CSMD2: variants seen among roughly 807,000 people sequenced by gnomAD.
CSMD2 encodes the protein CUB and Sushi multiple domains 2.
In CSMD2, 130 loss-of-function variants were observed where a neutral mutation model predicts 398.5. The ratio of observed to expected loss-of-function variants is 0.33; its 90% CI spans 0.28 to 0.38. The LOEUF (loss-of-function observed/expected upper bound fraction) is 0.38, where lower values mean the gene tolerates loss of function less well. Among genes scored for constraint, CSMD2 ranks in the 10% least tolerant of loss-of-function variants. CSMD2 has a pLI of 1.00. For synonymous variants in CSMD2, 1,828 were observed against 1,908.5 expected (o/e 0.96, Z 1.10); for missense variants, 3,829 against 4,764.9 (o/e 0.80, Z 5.78).
At chr1:34,125,917 G>A (rs909839308) in intron 1 of CSMD2, among the ~76,000 whole-genome samples, 5 of 152,190 alleles carry the variant, frequency 3.3e-5, no homozygotes, top group African/African-American at 1.2e-4. Flanking sequence ...CCAGGACCCA[G>A]TGGGGGTCTG....
intron 13 of CSMD2, among the ~76,000 whole-genome samples, chr1:33,752,177 CA>C (rs4044502): frequency 0.078 from 11,867 of 151,982 alleles, 523 homozygotes; most frequent in Admixed American, 0.11. Context: ...AAACAACAAA[CA>C]AAAAAATATA....
At chr1:33,754,219 G>A (rs899894442) in intron 13 of CSMD2, among the ~76,000 whole-genome samples, 2 of 152,156 alleles carry the variant, frequency 1.3e-5, no homozygotes, top group African/African-American at 4.8e-5. Flanking sequence ...GGAGGTATTT[G>A]GATAATGGGG....
intron 4 of CSMD2, 96 bp downstream of exon 4, chr1:33,935,664 T>G: frequency 2.3e-6 from 3 of 1,285,820 alleles, no homozygotes; most frequent in Non-Finnish European, 3.2e-6. Flanking sequence ...CCTGCTGGGG[T>G]GTAGCTTTGC....
At chr1:33,629,537 T>G (rs1031724928) in intron 32 of CSMD2, among the ~76,000 whole-genome samples, 7 of 152,178 alleles carry the variant, frequency 4.6e-5, no homozygotes, top group African/African-American at 1.7e-4. Flanking sequence ...GGGAAATACT[T>G]TCATGCAACA....
intron 55 of CSMD2, among the ~76,000 whole-genome samples, chr1:33,552,922 G>T (rs1657596954): frequency 6.6e-6 from 1 of 152,146 alleles, no homozygotes; most frequent in South Asian, 2.1e-4. Context: ...GCATTTTATG[G>T]TGTGTGAATT....
rs1314257543 is a variant in CSMD2, at chr1:33,614,636, G to A, written c.6017-16C>T. 2 of 1,450,504 alleles carry A rather than the reference G, an allele frequency of 1.4e-6. No homozygotes were observed. The highest frequency in any genetic ancestry group is 1.9e-6 in the Non-Finnish European group (2 of 1,032,144). 89.9% of individuals were successfully genotyped at this position (1,450,504 alleles called of 1,614,324 possible). ...CCACACTGTGCTGTGACAATGAGAT[G>A]AGACAGAGGGTCAGGACAACATCAA... On this transcript the variant is annotated splice_polypyrimidine_tract_variant and intron_variant, in intron 39 of 70. Coordinates refer to ENST00000373381, the MANE Select transcript of CSMD2 (RefSeq NM_001281956.2).
chr1:33,761,839 C>A (rs994865000), intron 13 of CSMD2, among the ~76,000 whole-genome samples: 1 of 152,174 alleles, frequency 6.6e-6, no homozygotes, highest in African/African-American at 2.4e-5. Context: ...ACACGATAAT[C>A]CAAGGGAGTT....
chr1:33,584,208 G>A (rs1638915249), intron 46 of CSMD2, among the ~76,000 whole-genome samples: 1 of 152,170 alleles, frequency 6.6e-6, no homozygotes, highest in South Asian at 2.1e-4. Flanking sequence ...ACTGTATAGG[G>A]CAGAGGTAAG....
At position 33,857,743 on chromosome 1, in the gene CSMD2, G is replaced by C. The variant is rs1464114848; in HGVS notation, c.921-10747C>G. Among the ~76,000 whole-genome samples, 6 of 152,254 alleles carry C rather than the reference G, an allele frequency of 3.9e-5. No individual in the cohort carries two copies. The East Asian group carries it at 7.7e-4, about 20-fold the overall frequency. ...GGGGCCAAGGAGGTAGCCTCCACTA[G>C]AACCCCATGACTAGTTTGGGGACAA... On this transcript the variant is annotated intron_variant, in intron 5 of 70. Coordinates refer to ENST00000373381, the MANE Select transcript of CSMD2 (RefSeq NM_001281956.2).
chr1:33,972,472 A>G (rs1407823901), intron 3 of CSMD2, among the ~76,000 whole-genome samples: 1 of 152,112 alleles, frequency 6.6e-6, no homozygotes, highest in Non-Finnish European at 1.5e-5. Flanking sequence ...TAAGTTAAGG[A>G]TGAGGTGGGG....
intron 21 of CSMD2, among the ~76,000 whole-genome samples, chr1:33,714,005 G>T (rs1291808193): frequency 6.6e-6 from 1 of 152,148 alleles, no homozygotes; most frequent in African/African-American, 2.4e-5. Flanking sequence ...GTTCACCTTT[G>T]TACCTTCAGA....
chr1:34,070,683 C>T (rs1655641664), intron 2 of CSMD2, among the ~76,000 whole-genome samples: 1 of 152,150 alleles, frequency 6.6e-6, no homozygotes, highest in African/African-American at 2.4e-5. Context: ...CTCTTTGTGT[C>T]TGCATTCCCC....
chr1:34,135,635 A>G (rs1268870011), intron 1 of CSMD2, among the ~76,000 whole-genome samples: 2 of 151,122 alleles, frequency 1.3e-5, no homozygotes, highest in Admixed American at 1.3e-4. Flanking sequence ...AAAAAAAAAA[A>G]AAAAAAAAGA....
intron 53 of CSMD2, among the ~76,000 whole-genome samples, chr1:33,563,814 G>A (rs61229710): frequency 0.11 from 17,190 of 152,194 alleles, 1,243 homozygotes; most frequent in East Asian, 0.24. Flanking sequence ...AAGGGCAAGG[G>A]AACTGACTGA....
At chr1:33,773,726 A>T (rs1158046157) in intron 12 of CSMD2, among the ~76,000 whole-genome samples, 1 of 152,210 alleles carries the variant, frequency 6.6e-6, no homozygotes, top group African/African-American at 2.4e-5. Flanking sequence ...GTCCTGCAGG[A>T]TAGACAGGAG....
At chr1:34,013,174 GTTTCC>G (rs1297863307) in intron 3 of CSMD2, among the ~76,000 whole-genome samples, 3 of 152,182 alleles carry the variant, frequency 2.0e-5, no homozygotes, top group Non-Finnish European at 4.4e-5. Context: ...AGACGTTGCA[GTTTCC>G]TTTCAAGTAT....
At chr1:33,653,527 T>C (rs1643868541) in intron 27 of CSMD2, among the ~76,000 whole-genome samples, 1 of 152,150 alleles carries the variant, frequency 6.6e-6, no homozygotes, top group Non-Finnish European at 1.5e-5. Context: ...GAGCTATTAT[T>C]AATCCCCAAT....
intron 5 of CSMD2, among the ~76,000 whole-genome samples, chr1:33,892,131 G>A (rs1642067100): frequency 1.3e-5 from 2 of 150,846 alleles, no homozygotes; most frequent in African/African-American, 4.9e-5. Context: ...TCACAAATAT[G>A]TATATTTGTG....
At chr1:34,119,099 GAATA>G in intron 1 of CSMD2, among the ~76,000 whole-genome samples, 1 of 152,300 alleles carries the variant, frequency 6.6e-6, no homozygotes, top group African/African-American at 2.4e-5. Flanking sequence ...CAGTGAAACA[GAATA>G]GAAACCTCAG....
Sources: allele counts gnomAD v4.1 joint callset (sites outside exome capture counted in the v4.1 genomes callset), GRCh38; gene constraint gnomAD v4.1.1; transcripts MANE v1.5; gene names NCBI Gene and HGNC (gene_info 2026-07-23, HGNC 2026-07-21).